The following ZNF469 variants were observed in gnomAD, a reference collection of about 807,000 sequenced individuals.
ZNF469 encodes the protein zinc finger protein 469.
In ZNF469, 1 loss-of-function variant was observed where a neutral mutation model predicts 1.0. The observed-to-expected ratio is 1.00, with a 90% CI of 0.35 to 4.73. ZNF469 has a LOEUF of 4.73. ZNF469 is among the 30% of genes most tolerant of loss of function. The pLI, the probability that ZNF469 is intolerant of heterozygous loss-of-function variation, is 0.16. For missense variants in ZNF469, 6,100 were observed against 5,356.3 expected (o/e 1.14, Z -4.33); for synonymous variants, 2,703 against 2,363.4 (o/e 1.14, Z -4.17).
the ZNF469 span, among the ~76,000 whole-genome samples, chr16:88,254,537 C>T: frequency 1.5e-4 from 23 of 152,222 alleles, no homozygotes; most frequent in Non-Finnish European, 1.2e-4. Context: ...GTGGGCAGAT[C>T]ACTCGAGGTC....
At chr16:88,213,992 G>T in the ZNF469 span, among the ~76,000 whole-genome samples, 11 of 152,144 alleles carry the variant, frequency 7.2e-5, no homozygotes, top group African/African-American at 2.7e-4. Context: ...GTGTGATTTT[G>T]TTCTTGCTGA....
chr16:88,348,752 A>C, the ZNF469 span, among the ~76,000 whole-genome samples: 2 of 152,252 alleles, frequency 1.3e-5, no homozygotes, highest in Non-Finnish European at 2.9e-5. Flanking sequence ...CAGCCGCCCC[A>C]CTGCCCTGGG....
the ZNF469 span, among the ~76,000 whole-genome samples, chr16:88,234,321 G>A: frequency 6.6e-6 from 1 of 152,278 alleles, no homozygotes; most frequent in Admixed American, 6.5e-5. Flanking sequence ...TTATAGATGG[G>A]ATGGGATTTA....
chr16:88,380,132 C>G (rs1270329218), upstream of ZNF469, among the ~76,000 whole-genome samples: 2 of 108,814 alleles, frequency 1.8e-5, no homozygotes, highest in East Asian at 3.8e-4. Flanking sequence ...AACACACACA[C>G]AGACACACAC....
chr16:88,286,111 C>G, the ZNF469 span, among the ~76,000 whole-genome samples: 8 of 152,240 alleles, frequency 5.3e-5, no homozygotes, highest in Non-Finnish European at 5.9e-5. Flanking sequence ...GGAGCACATT[C>G]CCCTGTTGGG....
rs780409854 is a variant in ZNF469 at position 88,429,428 on chromosome 16, C to T, written c.1958C>T (p.Pro653Leu). The T allele has an allele frequency of 1.1e-4, 165 of 1,540,666 alleles. No homozygotes were observed. The highest frequency in any genetic ancestry group is 1.4e-4 in the Non-Finnish European group (161 of 1,138,334). The change falls in exon 3 of 3, where the codon CCC becomes CTC. Residue 653 changes from proline (P) to leucine (L), a missense_variant. Pro to Leu is a moderately conservative substitution (Grantham distance 98). Transcript: ENST00000565624. ...ETGSPFPSPEPPHSLPTHYQP... is the reference protein window; with the variant it reads ...ETGSPFPSPELPHSLPTHYQP... ...GGCAGCCCCTTCCCGTCCCCGGAGC[C>T]CCCCCACTCCCTCCCCACCCACTAC...
chr16:88,295,527 G>A, the ZNF469 span, among the ~76,000 whole-genome samples: 4 of 152,126 alleles, frequency 2.6e-5, no homozygotes, highest in African/African-American at 7.2e-5. Context: ...GGGCGTCAAC[G>A]GCTGTAGCTG....
the ZNF469 span, among the ~76,000 whole-genome samples, chr16:88,332,835 T>C: frequency 2.0e-5 from 3 of 152,200 alleles, no homozygotes; most frequent in Non-Finnish European, 2.9e-5. Flanking sequence ...GCCAGCCTCC[T>C]CACCGTTTCA....
chr16:88,304,107 C>G, the ZNF469 span, among the ~76,000 whole-genome samples: 16 of 152,304 alleles, frequency 1.1e-4, 1 homozygote, highest in African/African-American at 3.4e-4. Flanking sequence ...GGAGGACTTG[C>G]TGGCCTTTGC....
At chr16:88,253,719 A>G in the ZNF469 span, among the ~76,000 whole-genome samples, 1 of 151,938 alleles carries the variant, frequency 6.6e-6, no homozygotes, top group Admixed American at 6.6e-5. Flanking sequence ...TTGTATTTTT[A>G]GTAGAGACAG....
the ZNF469 span, among the ~76,000 whole-genome samples, chr16:88,125,299 C>G: frequency 2.0e-5 from 3 of 152,116 alleles, no homozygotes; most frequent in Non-Finnish European, 4.4e-5. Context: ...TAAATTTGTT[C>G]TTTTCAAAAT....
At chr16:88,226,245 C>T in the ZNF469 span, among the ~76,000 whole-genome samples, 16 of 152,280 alleles carry the variant, frequency 1.1e-4, no homozygotes, top group Non-Finnish European at 2.4e-4. Flanking sequence ...AGGCTTCACC[C>T]CCAGCACGCA....
the ZNF469 span, among the ~76,000 whole-genome samples, chr16:88,149,262 G>C: frequency 5.3e-3 from 800 of 152,334 alleles, 4 homozygotes; most frequent in African/African-American, 0.018. Flanking sequence ...CAGGCCACAT[G>C]GGAGACCTCC....
chr16:88,360,526 G>T, the ZNF469 span, among the ~76,000 whole-genome samples: 3 of 79,940 alleles, frequency 3.8e-5, no homozygotes, highest in African/African-American at 1.7e-4. Context: ...CCCAGACAGC[G>T]CCTGCATGCT....
chr16:88,354,245 C>T, the ZNF469 span, among the ~76,000 whole-genome samples: 743 of 152,290 alleles, frequency 4.9e-3, 3 homozygotes, highest in African/African-American at 0.017. Context: ...GTCTGTAGCT[C>T]CCCAGGGGGA....
chr16:88,106,002 G>A, the ZNF469 span, among the ~76,000 whole-genome samples: 1 of 152,254 alleles, frequency 6.6e-6, no homozygotes, highest in South Asian at 2.1e-4. Context: ...GGCCCAGTAA[G>A]CTGCTTTCAG....
chr16:88,212,706 A>G, the ZNF469 span, among the ~76,000 whole-genome samples: 1 of 152,152 alleles, frequency 6.6e-6, no homozygotes, highest in Non-Finnish European at 1.5e-5. Flanking sequence ...TTAGCCTCCC[A>G]AGTAGCTAAG....
the ZNF469 span, among the ~76,000 whole-genome samples, chr16:88,111,000 C>T: frequency 1.3e-5 from 2 of 152,272 alleles, no homozygotes; most frequent in Admixed American, 6.5e-5. Flanking sequence ...GAAGACGCTG[C>T]GGCCCAGACG....
At chr16:88,195,813 G>T in the ZNF469 span, among the ~76,000 whole-genome samples, 333 of 152,324 alleles carry the variant, frequency 2.2e-3, 1 homozygote, top group African/African-American at 7.6e-3. Context: ...TGTCTCCAGG[G>T]AAATCTCTTC....
Sources: allele counts gnomAD v4.1 joint callset (sites outside exome capture counted in the v4.1 genomes callset), GRCh38; gene constraint gnomAD v4.1.1; transcripts MANE v1.5; gene names NCBI Gene and HGNC (gene_info 2026-07-23, HGNC 2026-07-21).